GRID2: variants seen among roughly 807,000 people sequenced by gnomAD.
GRID2 encodes glutamate ionotropic receptor delta type subunit 2.
A neutral mutation model predicts 114.8 loss-of-function variants in GRID2; 33 were observed. That is an observed-to-expected ratio of 0.29 (90% confidence interval 0.22 to 0.38). The LOEUF (loss-of-function observed/expected upper bound fraction) is 0.38, where lower values mean the gene tolerates loss of function less well. Ranked by LOEUF, GRID2 falls within the 10% of genes least tolerant of loss-of-function variation. The pLI, the probability that GRID2 is intolerant of heterozygous loss-of-function variation, is 1.00. For synonymous variants in GRID2, 505 were observed against 449.9 expected (o/e 1.12, Z -1.55); for missense variants, 1,184 against 1,257.7 (o/e 0.94, Z 0.89).
In GRID2 at chr4:92,865,393, C is replaced by T. The variant is rs1481975152; in HGVS notation, c.245-219602C>T. 3.9e-5 allele frequency among the ~76,000 whole-genome samples: 6 copies of T among 152,166 alleles called. No homozygotes were observed. In the East Asian group the frequency reaches 9.7e-4, roughly 24 times the overall value. ...TACTATTTGTGATCTATTAAAATGG[C>T]ACAAATAGTTGGACAAAAGGAAATA... On this transcript the variant is annotated intron_variant, in intron 2 of 15. Coordinates refer to ENST00000282020, the MANE Select transcript of GRID2 (RefSeq NM_001510.4).
intron 2 of GRID2, among the ~76,000 whole-genome samples, chr4:92,916,719 C>T (rs1441635403): frequency 6.6e-6 from 1 of 152,092 alleles, no homozygotes; most frequent in Admixed American, 6.6e-5. Flanking sequence ...CATAGTATTC[C>T]ATGGTGTATA....
Position 92,739,871 on chromosome 4 carries a change from T to C in GRID2, c.244+149585T>C, listed in dbSNP as rs553726888. ...AATATTTCAAACTTAATAAGTATGC[T>C]GAAACTGATATTACCAGTATAAGAA... On this transcript the variant is annotated intron_variant, in intron 2 of 15. Coordinates refer to ENST00000282020, the MANE Select transcript of GRID2 (RefSeq NM_001510.4). Among the ~76,000 whole-genome samples the C allele has an allele frequency of 8.4e-4, 128 of 152,278 alleles. 1 individual carries two copies. Among genetic ancestry groups the C allele is most frequent in the Non-Finnish European group, 1.5e-3 (99 of 68,012 alleles).
chr4:93,593,073 GT>G (rs1422179791), intron 13 of GRID2, among the ~76,000 whole-genome samples: 3 of 151,392 alleles, frequency 2.0e-5, no homozygotes, highest in Non-Finnish European at 2.9e-5. Context: ...AGTTAATAGT[GT>G]TATGTGTGAA....
intron 2 of GRID2, among the ~76,000 whole-genome samples, chr4:92,785,943 GT>G (rs1739304953): frequency 1.3e-5 from 2 of 151,774 alleles, no homozygotes; most frequent in Admixed American, 1.3e-4. Flanking sequence ...TATGATTTAA[GT>G]TTAACATTAG....
At chr4:93,458,954 C>T (rs934564159) in intron 11 of GRID2, among the ~76,000 whole-genome samples, 5 of 151,746 alleles carry the variant, frequency 3.3e-5, no homozygotes, top group Middle Eastern at 6.8e-3. Flanking sequence ...CCGAGGCAGG[C>T]GGATCACCTG....
At chr4:92,487,678 C>T (rs1722961103) in intron 1 of GRID2, among the ~76,000 whole-genome samples, 1 of 152,022 alleles carries the variant, frequency 6.6e-6, no homozygotes, top group Non-Finnish European at 1.5e-5. Flanking sequence ...TACTAATTTT[C>T]TCTTGGTCTT....
intron 2 of GRID2, among the ~76,000 whole-genome samples, chr4:92,741,211 G>A (rs987930855): frequency 1.4e-4 from 21 of 152,042 alleles, no homozygotes; most frequent in Non-Finnish European, 7.4e-5. Context: ...ACTGTAAAAT[G>A]GGGAAAGTGA....
intron 14 of GRID2, among the ~76,000 whole-genome samples, chr4:93,748,277 A>T (rs1284602854): frequency 1.3e-5 from 2 of 152,114 alleles, no homozygotes; most frequent in African/African-American, 4.8e-5. Flanking sequence ...TGAATTATAT[A>T]TATGATCCAT....
At chr4:92,453,792 G>C (rs1451567511) in intron 1 of GRID2, among the ~76,000 whole-genome samples, 1 of 151,998 alleles carries the variant, frequency 6.6e-6, no homozygotes, top group African/African-American at 2.4e-5. Flanking sequence ...TTTACAAGTA[G>C]AAAACATTTA....
chr4:93,790,754 C>T (rs1734678937), intron 1 of GRID2, among the ~76,000 whole-genome samples: 1 of 152,056 alleles, frequency 6.6e-6, no homozygotes, highest in Non-Finnish European at 1.5e-5. Context: ...CCTGAGAGAA[C>T]AAAGTTAGTG....
At chr4:92,564,354 T>A (rs904702651) in intron 1 of GRID2, among the ~76,000 whole-genome samples, 1 of 152,024 alleles carries the variant, frequency 6.6e-6, no homozygotes, top group African/African-American at 2.4e-5. Flanking sequence ...TTTAAAAAAA[T>A]CATTGTTGCC....
intron 13 of GRID2, among the ~76,000 whole-genome samples, chr4:93,593,757 T>G (rs1738689879): frequency 6.6e-6 from 1 of 152,178 alleles, no homozygotes; most frequent in Non-Finnish European, 1.5e-5. Flanking sequence ...CTCGTTTCTT[T>G]TTATTGTTTT....
chr4:93,495,464 G>A (rs893500289), intron 12 of GRID2, among the ~76,000 whole-genome samples: 5 of 151,770 alleles, frequency 3.3e-5, no homozygotes, highest in African/African-American at 1.2e-4. Context: ...GAGACAGAGG[G>A]AAGGATAGCA....
intron 14 of GRID2, among the ~76,000 whole-genome samples, chr4:93,706,333 T>C (rs750047441): frequency 4.0e-4 from 61 of 152,152 alleles, no homozygotes; most frequent in Non-Finnish European, 7.5e-4. Context: ...CTTTCCATTT[T>C]TTTACATCCT....
At chr4:92,610,396 T>C (rs1373350561) in intron 2 of GRID2, among the ~76,000 whole-genome samples, 2 of 151,690 alleles carry the variant, frequency 1.3e-5, no homozygotes, top group African/African-American at 4.8e-5. Context: ...ATTGTTCCAC[T>C]TTTAACCCTA....
chr4:93,727,108 T>G (rs1380618535), intron 14 of GRID2, among the ~76,000 whole-genome samples: 5 of 152,168 alleles, frequency 3.3e-5, no homozygotes, highest in Non-Finnish European at 7.3e-5. Context: ...TTCAGTATGA[T>G]ATTGGCTGTG....
intron 2 of GRID2, among the ~76,000 whole-genome samples, chr4:92,930,490 A>C (rs1750141733): frequency 6.6e-6 from 1 of 151,152 alleles, no homozygotes; most frequent in African/African-American, 2.4e-5. Flanking sequence ...GTGATATTTC[A>C]AATTTAATAA....
chr4:93,731,342 A>T (rs1730466320), intron 14 of GRID2, among the ~76,000 whole-genome samples: 1 of 152,070 alleles, frequency 6.6e-6, no homozygotes, highest in Non-Finnish European at 1.5e-5. Flanking sequence ...AGACAATGAA[A>T]ATTAGAGCGC....
At chr4:92,985,250 G>A (rs1360570174) in intron 2 of GRID2, among the ~76,000 whole-genome samples, 1 of 147,592 alleles carries the variant, frequency 6.8e-6, no homozygotes, top group East Asian at 2.0e-4. Flanking sequence ...TTGAGACGGA[G>A]TCTCGCTCTG....
Sources: allele counts gnomAD v4.1 joint callset (sites outside exome capture counted in the v4.1 genomes callset), GRCh38; gene constraint gnomAD v4.1.1; transcripts MANE v1.5; gene names NCBI Gene and HGNC (gene_info 2026-07-23, HGNC 2026-07-21).